The following LBR variants were observed in gnomAD, a reference collection of about 807,000 sequenced individuals.
LBR encodes the protein lamin B receptor, also known as delta(14)-sterol reductase LBR.
A neutral mutation model predicts 74.3 loss-of-function variants in LBR; 28 were observed. The ratio of observed to expected loss-of-function variants is 0.38; its 90% CI spans 0.28 to 0.52. LBR has a LOEUF of 0.52. Ranked by LOEUF, LBR falls within the 20% of genes least tolerant of loss-of-function variation. LBR has a pLI of 0.89. For synonymous variants in LBR, 228 were observed against 269.3 expected (o/e 0.85, Z 1.50); for missense variants, 717 against 760.3 (o/e 0.94, Z 0.67).
At chr1:225,416,524 CG>C (rs1035500542) in intron 6 of LBR, among the ~76,000 whole-genome samples, 1 of 152,152 alleles carries the variant, frequency 6.6e-6, no homozygotes, top group African/African-American at 2.4e-5. Context: ...CCAAGAGAAA[CG>C]TAAAAGCTGT....
chr1:225,403,168 T>C lies in LBR; in HGVS notation c.*135A>G, dbSNP rs549037426. The C allele has an allele frequency of 4.7e-5, 36 of 760,004 alleles. No homozygotes were observed. The highest frequency in any genetic ancestry group is 6.5e-5 in the Non-Finnish European group (29 of 443,082). The allele number at this position is 760,004 out of a possible 1,614,324, so 47.1% of individuals were successfully genotyped here. The stretch of plus-strand genomic sequence containing the variant: ...TTAAAAGATCAACTACTCGGCTCCA[T>C]AGTCCTGACTCAAAAAGAAAAAAAA... On this transcript the variant is annotated 3_prime_UTR_variant, in exon 14 of 14. Transcript: ENST00000272163.
At chr1:225,424,492 A>T (rs1213513412) in intron 1 of LBR, among the ~76,000 whole-genome samples, 1 of 152,264 alleles carries the variant, frequency 6.6e-6, no homozygotes, top group Non-Finnish European at 1.5e-5. Context: ...CCTTTATTAA[A>T]AACAGCAAAC....
intron 1 of LBR, among the ~76,000 whole-genome samples, chr1:225,426,744 G>A (rs556868921): frequency 6.6e-6 from 1 of 152,288 alleles, no homozygotes; most frequent in South Asian, 2.1e-4. Context: ...AATGCAAACA[G>A]GAACCCCGGG....
chr1:225,419,545 C>T, intron 4 of LBR, 93 bp from the exon 5 acceptor site: 3 of 990,118 alleles, frequency 3.0e-6, no homozygotes, highest in Non-Finnish European at 4.7e-6. Context: ...TACAGCTATA[C>T]ACTAGTAAGA....
At chr1:225,409,768 A>G (rs867298657) in intron 10 of LBR, among the ~76,000 whole-genome samples, 8 of 152,384 alleles carry the variant, frequency 5.2e-5, no homozygotes, top group African/African-American at 1.7e-4. Flanking sequence ...AAGACTAATC[A>G]ATGTATGAAA....
At chr1:225,414,898 G>A (rs2096114190) in intron 7 of LBR, among the ~76,000 whole-genome samples, 1 of 152,230 alleles carries the variant, frequency 6.6e-6, no homozygotes, top group African/African-American at 2.4e-5. Context: ...CCCAGGAAGT[G>A]TGTGTGACGA....
intron 9 of LBR, 43 bp downstream of exon 9, chr1:225,411,294 G>T: frequency 1.5e-6 from 2 of 1,339,744 alleles, no homozygotes; most frequent in South Asian, 2.3e-5. Flanking sequence ...CAGTTAATTA[G>T]ACCTATTGAA....
chr1:225,424,157 G>T, intron 1 of LBR, 68 bp from the exon 2 acceptor site: 1 of 1,176,654 alleles, frequency 8.5e-7, no homozygotes, highest in Non-Finnish European at 1.3e-6. Context: ...TTTTTCCACA[G>T]GCTGATCACT....
rs762706289 is a variant in LBR at position 225,406,649 on chromosome 1, A to G, written c.1483+15T>C. The G allele has an allele frequency of 8.7e-6, 14 of 1,603,190 alleles. No homozygotes were observed. Among genetic ancestry groups the G allele is most frequent in the Non-Finnish European group, 1.2e-5 (14 of 1,173,478 alleles). On this transcript the variant is annotated intron_variant, in intron 11 of 13. Transcript: ENST00000272163. ...ATATTTAATAAATTAAACTGAGACT[A>G]AAATTAATACTCACGTTTCAGAACA...
chr1:225,423,038 C>A (rs1230450472), intron 2 of LBR, among the ~76,000 whole-genome samples: 1 of 152,150 alleles, frequency 6.6e-6, no homozygotes, highest in African/African-American at 2.4e-5. Context: ...TATTCCTGGT[C>A]TAGAGCACTC....
chr1:225,412,308 C>A (rs1046771154), intron 8 of LBR, 146 bp downstream of exon 8: 10 of 729,288 alleles, frequency 1.4e-5, no homozygotes, highest in Non-Finnish European at 2.1e-5. Context: ...ATCTCTTTAA[C>A]GTTTTTCTTC....
intron 10 of LBR, among the ~76,000 whole-genome samples, chr1:225,408,738 A>G (rs574807077): frequency 4.6e-5 from 7 of 152,368 alleles, no homozygotes; most frequent in African/African-American, 1.7e-4. Context: ...ACAATTTCCT[A>G]ACTCTAGTTC....
At chr1:225,417,714 A>AC in intron 6 of LBR, 1 of 320,826 alleles carries the variant, frequency 3.1e-6, no homozygotes, top group Non-Finnish European at 5.8e-6. Context: ...TCTCAATCAG[A>AC]TTTTTTTTTA....
At chr1:225,412,684 T>C in intron 7 of LBR, 39 bp from the exon 8 acceptor site, 1 of 1,546,386 alleles carries the variant, frequency 6.5e-7, no homozygotes, top group African/African-American at 1.4e-5. Flanking sequence ...AAAATTAATA[T>C]TAACCCAAGG....
chr1:225,423,749 T>C (rs781301569), intron 2 of LBR, among the ~76,000 whole-genome samples, 162 bp downstream of exon 2: 10 of 152,180 alleles, frequency 6.6e-5, no homozygotes, highest in Non-Finnish European at 1.0e-4. Flanking sequence ...CTATGCCTCA[T>C]TCATACATTC....
Position 225,402,304 on chromosome 1 carries a change from G to C in LBR, c.*999C>G, listed in dbSNP as rs971013195. The C allele has an allele frequency of 2.6e-5, 4 of 152,108 alleles. No homozygotes were observed. The highest frequency in any genetic ancestry group is 5.9e-5 in the Non-Finnish European group (4 of 67,980). The allele number at this position is 152,108 out of a possible 1,614,324, so 9.4% of individuals were successfully genotyped here. A position where few individuals can be genotyped will look rare whatever the true frequency, so the allele number is the denominator to read the frequency against. On this transcript the variant is annotated 3_prime_UTR_variant, in exon 14 of 14. Transcript: ENST00000272163. ...AAGTCAAAAATATATAAAAATATTA[G>C]CCTGAAATGGCAAATTTTCAAACAC...
chr1:225,418,871 T>A (rs1000785818), intron 5 of LBR, among the ~76,000 whole-genome samples: 1 of 152,232 alleles, frequency 6.6e-6, no homozygotes, highest in Non-Finnish European at 1.5e-5. Context: ...TGCAGGCAGC[T>A]GAGGCCCACT....
rs1319803908 is a variant in LBR, at chr1:225,427,986, T to A, written c.-47A>T. Reference sequence around the variant, plus strand: ...AGGTTCCGGCGGTGACACGGACGGCTCCCGGAGAATAGTCGCACAGCAACC... The same window carrying A: ...AGGTTCCGGCGGTGACACGGACGGCACCCGGAGAATAGTCGCACAGCAACC... On this transcript the variant is annotated 5_prime_UTR_variant, in exon 1 of 14. Coordinates refer to ENST00000272163, the MANE Select transcript of LBR (RefSeq NM_002296.4). 6.6e-6 allele frequency: 1 copy of A among 151,912 alleles called. No individual in the cohort carries two copies. Among genetic ancestry groups the A allele is most frequent in the East Asian group, 1.9e-4 (1 of 5,156 alleles). 9.4% of individuals were successfully genotyped at this position (151,912 alleles called of 1,614,324 possible).
In LBR at chr1:225,411,499, A is replaced by G. The variant is rs1324021379; in HGVS notation, c.1085-59T>C. On this transcript the variant is annotated intron_variant, in intron 8 of 13. Transcript: ENST00000272163. Reference sequence around the variant, plus strand: ...TCCAAACCCAGTCAGGAGGCTTTACAACGGCACTGCCGCCCACTATCCAGG... The same window carrying G: ...TCCAAACCCAGTCAGGAGGCTTTACGACGGCACTGCCGCCCACTATCCAGG... The G allele has an allele frequency of 4.1e-6, 5 of 1,232,454 alleles. No individual in the cohort carries two copies. In the Admixed American group the frequency reaches 6.7e-5, roughly 17 times the overall value. The allele number at this position is 1,232,454 out of a possible 1,614,324, so 76.3% of individuals were successfully genotyped here. A position where few individuals can be genotyped will look rare whatever the true frequency, so the allele number is the denominator to read the frequency against.
Sources: gnomAD v4.1 joint callset for allele counts (sites outside exome capture counted in the v4.1 genomes callset) on GRCh38, gnomAD v4.1.1 for gene constraint, MANE v1.5 for transcripts, NCBI Gene and HGNC (gene_info 2026-07-23, HGNC 2026-07-21) for gene names.